Variants in CXADR observed in about 807,000 individuals in gnomAD.
The protein encoded by CXADR is CXADR cell adhesion molecule.
CXADR carries 20 observed loss-of-function variants against 40.3 expected under a neutral mutation model. The observed-to-expected ratio is 0.50, with a 90% CI of 0.35 to 0.72. CXADR has a LOEUF of 0.72. Among genes scored for constraint, CXADR ranks in the 30% least tolerant of loss-of-function variants. The probability of loss-of-function intolerance (pLI) is 0.01; values close to 1 mark genes in which losing one functional copy is unlikely to be tolerated. For missense variants in CXADR, 332 were observed against 449.1 expected (o/e 0.74, Z 2.36); for synonymous variants, 150 against 161.3 (o/e 0.93, Z 0.53).
the CXADR span, among the ~76,000 whole-genome samples, chr21:17,610,093 G>T: frequency 1.3e-5 from 2 of 152,178 alleles, no homozygotes; most frequent in Non-Finnish European, 2.9e-5. Context: ...CATATTGTAC[G>T]ATTCCATTGA....
chr21:17,587,308 C>T (rs1601064467), intron 7 of CXADR, among the ~76,000 whole-genome samples: 3 of 152,200 alleles, frequency 2.0e-5, no homozygotes, highest in African/African-American at 4.8e-5. Context: ...CCTGAGGAAT[C>T]GCCACACTGA....
chr21:17,576,959 C>G (rs1403180582), intron 7 of CXADR: 1 of 152,138 alleles, frequency 6.6e-6, no homozygotes, highest in East Asian at 1.9e-4. Context: ...CAATATTTAA[C>G]TATTTAAAAA....
intron 1 of CXADR, among the ~76,000 whole-genome samples, chr21:17,513,394 G>C (rs1161903439): frequency 6.6e-6 from 1 of 152,076 alleles, no homozygotes; most frequent in African/African-American, 2.4e-5. Context: ...CGGAGTGCCC[G>C]GGGACGGAGC....
chr21:17,608,965 C>A, the CXADR span: 1 of 1,610,788 alleles, frequency 6.2e-7, no homozygotes, highest in Non-Finnish European at 8.5e-7. Flanking sequence ...CCAATCTAAT[C>A]CTTTACCTGT....
chr21:17,621,912 G>T, the CXADR span, among the ~76,000 whole-genome samples: 2 of 152,168 alleles, frequency 1.3e-5, no homozygotes, highest in Non-Finnish European at 2.9e-5. Flanking sequence ...ATTAAATACC[G>T]CATAAAAGTA....
chr21:17,635,583 A>G, the CXADR span, among the ~76,000 whole-genome samples: 8 of 152,214 alleles, frequency 5.3e-5, no homozygotes, highest in East Asian at 1.5e-3. Flanking sequence ...TTATTTTTAA[A>G]ATATTTCAAA....
intron 6 of CXADR, 56 bp from the exon 7 acceptor site, chr21:17,565,372 T>A: frequency 1.3e-6 from 2 of 1,557,874 alleles, no homozygotes; most frequent in African/African-American, 1.4e-5. Flanking sequence ...GCTTGCATAA[T>A]TGTAGGTTTT....
At chr21:17,546,555 C>G (rs2060899439) in intron 1 of CXADR, among the ~76,000 whole-genome samples, 1 of 152,168 alleles carries the variant, frequency 6.6e-6, no homozygotes, top group Non-Finnish European at 1.5e-5. Flanking sequence ...ACAACCAGAT[C>G]TCCTGAGAAC....
intron 5 of CXADR, 60 bp from the exon 6 acceptor site, chr21:17,561,276 CCT>C: frequency 1.1e-6 from 1 of 915,554 alleles, no homozygotes; most frequent in Non-Finnish European, 1.6e-6. Context: ...GTATAGCCTA[CCT>C]TCAGTATCTA....
the CXADR span, among the ~76,000 whole-genome samples, chr21:17,604,681 G>A: frequency 6.6e-6 from 1 of 152,176 alleles, no homozygotes; most frequent in East Asian, 1.9e-4. Context: ...CTATAAAGCA[G>A]AAATCTAACT....
intron 1 of CXADR, among the ~76,000 whole-genome samples, chr21:17,541,006 C>T (rs1000456799): frequency 3.3e-5 from 5 of 152,052 alleles, no homozygotes; most frequent in African/African-American, 1.2e-4. Context: ...ACAGCAAAAT[C>T]GAGCAGAAAG....
chr21:17,533,503 A>G (rs528495661), intron 1 of CXADR, among the ~76,000 whole-genome samples: 18 of 152,328 alleles, frequency 1.2e-4, no homozygotes, highest in Non-Finnish European at 1.8e-4. Flanking sequence ...CTCCAGAATC[A>G]GTCGGCCTAG....
At position 17,569,554 on chromosome 21, in the gene CXADR, C is replaced by T; in HGVS notation, c.*3862C>T. Reference sequence around the variant, plus strand: ...ATAGACCACAACTGAGCACAAATTCCTTTTATAAATGTTATAGAAGCAGGG... The same window carrying T: ...ATAGACCACAACTGAGCACAAATTCTTTTTATAAATGTTATAGAAGCAGGG... On this transcript the variant is annotated 3_prime_UTR_variant, in exon 7 of 7. Coordinates refer to ENST00000284878, the MANE Select transcript of CXADR (RefSeq NM_001338.5). 1.0e-6 allele frequency: 1 copy of T among 985,184 alleles called. No individual in the cohort carries two copies. Among genetic ancestry groups the T allele is most frequent in the Admixed American group, 6.1e-5 (1 of 16,266 alleles). 61.0% of individuals were successfully genotyped at this position (985,184 alleles called of 1,614,324 possible). A position where few individuals can be genotyped will look rare whatever the true frequency, so the allele number is the denominator to read the frequency against.
At chr21:17,622,828 A>G in the CXADR span, among the ~76,000 whole-genome samples, 1 of 152,212 alleles carries the variant, frequency 6.6e-6, no homozygotes, top group Admixed American at 6.5e-5. Context: ...ACATAAATAT[A>G]ATATAAAAAG....
At chr21:17,590,914 T>TATC (rs1332026300) in intron 7 of CXADR, among the ~76,000 whole-genome samples, 1 of 152,086 alleles carries the variant, frequency 6.6e-6, no homozygotes, top group Non-Finnish European at 1.5e-5. Flanking sequence ...ATAAAATTAC[T>TATC]ATCAGATGAT....
chr21:17,613,044 C>A, the CXADR span: 1 of 151,954 alleles, frequency 6.6e-6, no homozygotes, highest in African/African-American at 2.4e-5. Context: ...CGCGAGGCCA[C>A]CCCCGAGCCC....
intron 1 of CXADR, among the ~76,000 whole-genome samples, chr21:17,532,119 G>A (rs961807727): frequency 2.0e-5 from 3 of 151,842 alleles, no homozygotes; most frequent in Non-Finnish European, 4.4e-5. Context: ...TTTTTTTAGA[G>A]ATGGTGCCTT....
intron 3 of CXADR, among the ~76,000 whole-genome samples, chr21:17,553,698 G>A (rs927717258): frequency 2.0e-5 from 3 of 149,568 alleles, no homozygotes; most frequent in African/African-American, 4.9e-5. Context: ...CTCGGCTCAC[G>A]GCAACCTCCG....
intron 1 of CXADR, among the ~76,000 whole-genome samples, chr21:17,515,736 G>A (rs1449460310): frequency 1.3e-5 from 2 of 152,090 alleles, no homozygotes; most frequent in Non-Finnish European, 2.9e-5. Context: ...AACCCGGGAG[G>A]CGTAGCTTGC....
Sources: gnomAD v4.1 joint callset for allele counts (sites outside exome capture counted in the v4.1 genomes callset) on GRCh38, gnomAD v4.1.1 for gene constraint, MANE v1.5 for transcripts, NCBI Gene and HGNC (gene_info 2026-07-23, HGNC 2026-07-21) for gene names.